The following SCN2A variants were observed in gnomAD, a reference collection of about 807,000 sequenced individuals.
The protein encoded by SCN2A is sodium channel protein type 2 subunit alpha.
Under a neutral mutation model 188.7 loss-of-function variants are expected in SCN2A, and 20 were observed. The ratio of observed to expected loss-of-function variants is 0.11; its 90% confidence interval spans 0.07 to 0.15. The LOEUF is 0.15. Ranked by LOEUF, SCN2A falls within the 10% of genes least tolerant of loss-of-function variation. The pLI is 1.00. For missense variants in SCN2A, 1,278 were observed against 2,445.0 expected (o/e 0.52, Z 10.07); for synonymous variants, 804 against 833.1 (o/e 0.97, Z 0.60).
intron 8 of SCN2A, 35 bp downstream of exon 8, chr2:165,312,123 C>T (rs1183569384): frequency 6.5e-7 from 1 of 1,533,306 alleles, no homozygotes; most frequent in Non-Finnish European, 9.0e-7. Flanking sequence ...TCAGTCCACA[C>T]TGCTCCATCA....
intron 1 of SCN2A, among the ~76,000 whole-genome samples, chr2:165,257,109 A>T (rs779639100): frequency 6.6e-6 from 1 of 152,162 alleles, no homozygotes; most frequent in African/African-American, 2.4e-5. Flanking sequence ...TCCTGAATTT[A>T]GTTGCGTTCA....
chr2:165,347,258 A>G (rs1036089010), intron 16 of SCN2A, among the ~76,000 whole-genome samples: 4 of 152,230 alleles, frequency 2.6e-5, no homozygotes, highest in Non-Finnish European at 4.4e-5. Flanking sequence ...AATACTATGC[A>G]GCCATAAAAA....
At chr2:165,328,075 A>T (rs1698455760) in intron 13 of SCN2A, 3 of 152,106 alleles carry the variant, frequency 2.0e-5, no homozygotes, top group Admixed American at 2.0e-4. Flanking sequence ...CTTATTGATA[A>T]TTAGATTTTC....
chr2:165,322,956 G>A (rs1454552660), intron 11 of SCN2A, among the ~76,000 whole-genome samples, 200 bp from the exon 12 acceptor site: 2 of 152,174 alleles, frequency 1.3e-5, no homozygotes, highest in Admixed American at 1.3e-4. Flanking sequence ...AAAAGCGAGA[G>A]TGAAATAGAA....
intron 1 of SCN2A, among the ~76,000 whole-genome samples, chr2:165,256,369 G>T (rs1384737752): frequency 6.6e-6 from 1 of 152,092 alleles, no homozygotes; most frequent in Non-Finnish European, 1.5e-5. Context: ...TTTGTTAAAA[G>T]ATTTCATTTG....
intron 22 of SCN2A, among the ~76,000 whole-genome samples, chr2:165,376,918 G>A (rs916814061): frequency 7.0e-6 from 1 of 143,154 alleles, no homozygotes; most frequent in African/African-American, 2.5e-5. Context: ...CGATCCTCAA[G>A]ACTATTAAAA....
chr2:165,290,836 T>TA (rs1332277317), intron 1 of SCN2A: 1 of 935,640 alleles, frequency 1.1e-6, no homozygotes, highest in Non-Finnish European at 1.3e-6. Flanking sequence ...ACATGGAAGA[T>TA]ATACCATATG....
chr2:165,300,946 A>C (rs1215295598), intron 3 of SCN2A, among the ~76,000 whole-genome samples: 1 of 152,210 alleles, frequency 6.6e-6, no homozygotes, highest in African/African-American at 2.4e-5. Context: ...TTATGAAGGC[A>C]AGAGAGCATG....
At chr2:165,294,014 A>T in intron 1 of SCN2A, 5 of 748,266 alleles carry the variant, frequency 6.7e-6, no homozygotes, top group Non-Finnish European at 8.0e-6. Context: ...GAGAATTAAA[A>T]AAAAAAAAAA....
intron 16 of SCN2A, among the ~76,000 whole-genome samples, chr2:165,353,060 T>A (rs1342403211): frequency 6.6e-6 from 1 of 152,122 alleles, no homozygotes; most frequent in Admixed American, 6.5e-5. Flanking sequence ...TGTCTTTTTT[T>A]TTTTTTCCAC....
At chr2:165,343,145 G>A (rs1364263492) in intron 15 of SCN2A, among the ~76,000 whole-genome samples, 1 of 152,122 alleles carries the variant, frequency 6.6e-6, no homozygotes, top group Non-Finnish European at 1.5e-5. Context: ...CTATTACTTT[G>A]AGTTGGCTCT....
chr2:165,341,432 A>T (rs1179024528), intron 14 of SCN2A, among the ~76,000 whole-genome samples: 1 of 152,238 alleles, frequency 6.6e-6, no homozygotes, highest in Non-Finnish European at 1.5e-5. Context: ...GGACTCGGTA[A>T]CTGTTACTTT....
intron 13 of SCN2A, chr2:165,328,353 A>G: frequency 4.0e-6 from 1 of 249,598 alleles, no homozygotes; most frequent in Non-Finnish European, 6.4e-6. Flanking sequence ...GTTAGCTTGC[A>G]CTCCCTCTTC....
chr2:165,387,645 GA>G (rs547294242), intron 26 of SCN2A, among the ~76,000 whole-genome samples: 1 of 151,788 alleles, frequency 6.6e-6, no homozygotes, highest in East Asian at 1.9e-4. Context: ...AGATTTATTG[GA>G]AAAAATATAT....
chr2:165,296,407 A>G (rs1696513529), intron 2 of SCN2A: 1 of 316,940 alleles, frequency 3.2e-6, no homozygotes, highest in South Asian at 4.0e-5. Context: ...CTGATTCCCT[A>G]ATAATGTTGA....
At chr2:165,368,489 C>T (rs990310472) in intron 19 of SCN2A, among the ~76,000 whole-genome samples, 2 of 152,192 alleles carry the variant, frequency 1.3e-5, no homozygotes, top group Admixed American at 6.5e-5. Context: ...ATTTCTCTGC[C>T]TCTTGTTCCT....
At chr2:165,306,526 G>A (rs1048170945) in intron 3 of SCN2A, among the ~76,000 whole-genome samples, 5 of 131,112 alleles carry the variant, frequency 3.8e-5, no homozygotes, top group East Asian at 3.9e-4. Flanking sequence ...GTGTGTGTGT[G>A]TGTGTGTGTG....
chr2:165,374,703 T>C lies in SCN2A; in HGVS notation c.3991T>C (p.Leu1331=). 1.2e-6 allele frequency: 2 copies of C among 1,613,410 alleles called. No individual in the cohort carries two copies. The highest frequency in any genetic ancestry group is 1.7e-6 in the Non-Finnish European group (2 of 1,179,556). The stretch of plus-strand genomic sequence containing the variant: ...GTGCCAGGTTGTTGTAAATGCTCTT[T>C]TAGGAGCCATTCCATCTATCATGAA... ...EGMRVVVNAL[L]GAIPSIMNVL... The change falls in exon 22 of 27, where the codon TTA becomes CTA. Residue 1331 remains leucine, a synonymous_variant. Transcript: ENST00000375437.
intron 1 of SCN2A, among the ~76,000 whole-genome samples, chr2:165,249,955 G>A (rs912699333): frequency 3.3e-5 from 5 of 151,912 alleles, no homozygotes; most frequent in African/African-American, 9.7e-5. Flanking sequence ...CTTCAGAAAT[G>A]TATATAAACT....
Sources: allele counts gnomAD v4.1 joint callset (sites outside exome capture counted in the v4.1 genomes callset), GRCh38; gene constraint gnomAD v4.1.1; transcripts MANE v1.5; gene names NCBI Gene and HGNC (gene_info 2026-07-23, HGNC 2026-07-21).